Variants in IQCM observed in about 807,000 individuals in gnomAD.
The protein encoded by IQCM is IQ domain-containing protein M.
Under a neutral mutation model 57.6 loss-of-function variants are expected in IQCM, and 45 were observed. The observed-to-expected ratio is 0.78, with a 90% confidence interval of 0.62 to 1.00. The LOEUF is 1.00. Among genes scored for constraint, IQCM ranks in the 50% least tolerant of loss-of-function variants. IQCM has a pLI of 0.00. For missense variants in IQCM, 468 were observed against 511.6 expected, an observed-to-expected ratio of 0.91 and a Z score of 0.82; for synonymous variants, 148 against 158.9, an observed-to-expected ratio of 0.93 and a Z score of 0.51.
At chr4:149,605,332 C>T (rs960888068) in intron 8 of IQCM, among the ~76,000 whole-genome samples, 1 of 152,110 alleles carries the variant, frequency 6.6e-6, no homozygotes, top group Admixed American at 6.6e-5. Flanking sequence ...TACTTATTTA[C>T]CTATACCTCC....
intron 13 of IQCM, among the ~76,000 whole-genome samples, chr4:149,361,847 C>T (rs1225920755): frequency 6.6e-6 from 1 of 152,116 alleles, no homozygotes; most frequent in Non-Finnish European, 1.5e-5. Context: ...AGAAGAGGGC[C>T]ACCTTACTCC....
chr4:149,800,052 A>G (rs1420773602), intron 2 of IQCM, among the ~76,000 whole-genome samples: 1 of 151,848 alleles, frequency 6.6e-6, no homozygotes, highest in Admixed American at 6.6e-5. Flanking sequence ...AAAAAGGAAA[A>G]CTACAGGCAA....
intron 12 of IQCM, among the ~76,000 whole-genome samples, chr4:149,463,677 A>C (rs1738542686): frequency 6.6e-6 from 1 of 152,222 alleles, no homozygotes; most frequent in Non-Finnish European, 1.5e-5. Context: ...AATACTAAGC[A>C]TATGGGTTTT....
At chr4:149,546,896 A>G (rs1472802268) in intron 12 of IQCM, among the ~76,000 whole-genome samples, 1 of 152,100 alleles carries the variant, frequency 6.6e-6, no homozygotes, top group Non-Finnish European at 1.5e-5. Flanking sequence ...GTCCTTGCCC[A>G]TGCCTATGTC....
intron 12 of IQCM, among the ~76,000 whole-genome samples, chr4:149,453,400 G>A (rs954268695): frequency 6.6e-6 from 1 of 151,586 alleles, no homozygotes; most frequent in African/African-American, 2.4e-5. Flanking sequence ...ACAAAAAACA[G>A]GCTTCAAAGG....
chr4:149,650,213 A>G (rs1483804766), intron 7 of IQCM, among the ~76,000 whole-genome samples: 1 of 120,950 alleles, frequency 8.3e-6, no homozygotes, highest in African/African-American at 3.0e-5. Context: ...TCCTTATAAC[A>G]AGAGGAGAGA....
rs1560845314 is a variant in IQCM, at chr4:149,443,751, A to AAGGAG, written c.1229-10195_1229-10194insCTCCT. Among the ~76,000 whole-genome samples, 9 of 150,704 alleles carry AAGGAG rather than the reference A, an allele frequency of 6.0e-5. 1 individual carries two copies. Among genetic ancestry groups the AAGGAG allele is most frequent in the African/African-American group, 2.2e-4 (9 of 40,948 alleles). On this transcript the variant is annotated intron_variant, in intron 12 of 13. Coordinates refer to ENST00000636793, the MANE Select transcript of IQCM (RefSeq NM_001363507.2). ...AAGGAAAGGAAAGGAAAGGAAAGGA[A>AAGGAG]GAAAACTGGCAAGCCTTCAACCCAT...
intron 2 of IQCM, among the ~76,000 whole-genome samples, chr4:149,775,871 G>A (rs554098785): frequency 6.6e-6 from 1 of 152,258 alleles, no homozygotes; most frequent in South Asian, 2.1e-4. Flanking sequence ...ACGTGGGGTT[G>A]GTAACACAAA....
rs182423045 is a variant in IQCM at position 149,410,122 on chromosome 4, G to T, written c.1390+23274C>A. The stretch of plus-strand genomic sequence containing the variant: ...TGCTTGAACCCGGGAGGCAGAGGTT[G>T]CAGTGAGCCGAGATTGCGCCACTCC... On this transcript the variant is annotated intron_variant, in intron 13 of 13. Transcript: ENST00000636793. 1.2e-4 allele frequency among the ~76,000 whole-genome samples: 19 copies of T among 152,280 alleles called. No homozygotes were observed. The East Asian group carries it at 1.9e-3, about 16-fold the overall frequency.
chr4:149,735,095 C>T (rs924775407), intron 4 of IQCM, among the ~76,000 whole-genome samples: 3 of 151,838 alleles, frequency 2.0e-5, no homozygotes, highest in Admixed American at 6.6e-5. Flanking sequence ...ATGATAAATC[C>T]AATTATTTAT....
chr4:149,673,616 C>A (rs552536022), intron 7 of IQCM, among the ~76,000 whole-genome samples: 9 of 152,212 alleles, frequency 5.9e-5, no homozygotes, highest in East Asian at 5.8e-4. Flanking sequence ...CACCCAGATT[C>A]ATAAAGCAAG....
intron 6 of IQCM, among the ~76,000 whole-genome samples, chr4:149,683,314 G>T (rs1579985700): frequency 6.6e-6 from 1 of 151,272 alleles, no homozygotes; most frequent in South Asian, 2.1e-4. Context: ...AAATTAAAAT[G>T]TTGGTTTGAA....
Position 149,736,144 on chromosome 4 carries a change from C to CTTATTGTAGAGATGT in IQCM, c.38-687_38-686insACATCTCTACAATAA, listed in dbSNP as rs1179065662. On this transcript the variant is annotated intron_variant, in intron 3 of 13. Coordinates refer to ENST00000636793, the MANE Select transcript of IQCM (RefSeq NM_001363507.2). ...TGTACTTATTGTAGAGATGGGGTTT[C>CTTATTGTAGAGATGT]ACCATGCTGCCCAGGCTGGTCTCGA... Among the ~76,000 whole-genome samples the CTTATTGTAGAGATGT allele has an allele frequency of 6.4e-3, 977 of 152,078 alleles. 15 individuals carry two copies. The highest frequency in any genetic ancestry group is 0.021 in the African/African-American group (888 of 41,472).
At chr4:149,549,300 G>C (rs1028595639) in intron 11 of IQCM, among the ~76,000 whole-genome samples, 1 of 152,064 alleles carries the variant, frequency 6.6e-6, no homozygotes, top group African/African-American at 2.4e-5. Flanking sequence ...CGGATCACGA[G>C]GTCAGGAGAT....
rs559428602 is a variant in IQCM at position 149,772,929 on chromosome 4, CT to C, written c.-48-30191del. On this transcript the variant is annotated intron_variant, in intron 2 of 13. Transcript: ENST00000636793. ...AGCAGCTAAGATTTTTTAAAAAACACTTGAAAGCCTGTTGTATAAAGAACTC... is the reference window on the plus strand; with the variant it reads ...AGCAGCTAAGATTTTTTAAAAAACACTGAAAGCCTGTTGTATAAAGAACTC... 2.5e-3 allele frequency among the ~76,000 whole-genome samples: 383 copies of C among 152,216 alleles called. 4 individuals carry two copies. Among genetic ancestry groups the C allele is most frequent in the African/African-American group, 8.9e-3 (368 of 41,528 alleles).
Position 149,720,707 on chromosome 4 carries a change from CA to C in IQCM, c.385+12536del, listed in dbSNP as rs1345808774. ...TCCTGACAAGAAATGAGAAGAAATACAGCAATCTAAACCAGGAAGAAATGAA... is the reference window on the plus strand; with the variant it reads ...TCCTGACAAGAAATGAGAAGAAATACGCAATCTAAACCAGGAAGAAATGAA... On this transcript the variant is annotated intron_variant, in intron 5 of 13. Transcript: ENST00000636793. Among the ~76,000 whole-genome samples the C allele has an allele frequency of 4.6e-5, 7 of 152,280 alleles. 1 individual carries two copies. In the East Asian group the frequency reaches 9.6e-4, roughly 21 times the overall value.
intron 12 of IQCM, among the ~76,000 whole-genome samples, chr4:149,481,709 T>TTTTTGTTTTTTGTTTTTTG (rs1560896039): frequency 2.3e-5 from 3 of 133,118 alleles, no homozygotes; most frequent in African/African-American, 5.4e-5. Flanking sequence ...TTGTTTTTTT[T>TTTTTGTTTTTTGTTTTTTG]TTTTTTTTTT....
intron 12 of IQCM, among the ~76,000 whole-genome samples, chr4:149,533,530 C>T (rs113146775): frequency 9.9e-5 from 15 of 152,178 alleles, no homozygotes; most frequent in South Asian, 6.2e-4. Flanking sequence ...CAAAGACATA[C>T]CCGAGACTGG....
intron 13 of IQCM, among the ~76,000 whole-genome samples, chr4:149,407,673 T>A (rs112804571): frequency 3.9e-5 from 6 of 152,318 alleles, no homozygotes; most frequent in African/African-American, 1.4e-4. Context: ...ATGCCTGAGT[T>A]GTATTACATA....
Sources: allele counts gnomAD v4.1 joint callset (sites outside exome capture counted in the v4.1 genomes callset), GRCh38; gene constraint gnomAD v4.1.1; transcripts MANE v1.5; gene names NCBI Gene and HGNC (gene_info 2026-07-23, HGNC 2026-07-21).